MECOM: variants seen among roughly 807,000 people sequenced by gnomAD.
MECOM encodes the protein MDS1 and EVI1 complex locus.
In MECOM, 13 loss-of-function variants were observed where a neutral mutation model predicts 116.3. That is an observed-to-expected ratio of 0.11 (90% CI 0.07 to 0.18). MECOM has a LOEUF of 0.18. Ranked by LOEUF, MECOM falls within the 10% of genes least tolerant of loss-of-function variation. The pLI is 1.00. For missense variants in MECOM, 1,299 were observed against 1,509.0 expected (o/e 0.86, Z 2.31); for synonymous variants, 528 against 535.2 (o/e 0.99, Z 0.19).
chr3:169,641,501 T>C (rs1335580513), intron 1 of MECOM, among the ~76,000 whole-genome samples: 1 of 152,206 alleles, frequency 6.6e-6, no homozygotes, highest in African/African-American at 2.4e-5. Flanking sequence ...TGGCCAGTTT[T>C]TTATTTTCCT....
intron 1 of MECOM, among the ~76,000 whole-genome samples, chr3:169,535,886 C>T (rs1456301342): frequency 6.6e-6 from 1 of 152,150 alleles, no homozygotes; most frequent in Non-Finnish European, 1.5e-5. Context: ...ATAACAGTGT[C>T]TAATAGGGTT....
intron 2 of MECOM, among the ~76,000 whole-genome samples, chr3:169,198,889 G>T (rs1748790223): frequency 6.6e-6 from 1 of 151,840 alleles, no homozygotes; most frequent in African/African-American, 2.4e-5. Flanking sequence ...GGGAAGAGCA[G>T]TCAGGAAAAT....
At chr3:169,310,431 A>G (rs897048713) in intron 2 of MECOM, among the ~76,000 whole-genome samples, 3 of 152,234 alleles carry the variant, frequency 2.0e-5, no homozygotes, top group Non-Finnish European at 4.4e-5. Context: ...ATAGTTTTAT[A>G]GCAAATTGTG....
chr3:169,263,521 C>T (rs1247924959), intron 2 of MECOM, among the ~76,000 whole-genome samples: 1 of 76,510 alleles, frequency 1.3e-5, no homozygotes, highest in Non-Finnish European at 2.3e-5. Context: ...AGAGCACTTG[C>T]ACACACACAC....
chr3:169,499,380 G>C (rs1367016629), intron 1 of MECOM, among the ~76,000 whole-genome samples: 1 of 126,448 alleles, frequency 7.9e-6, no homozygotes, highest in Non-Finnish European at 1.6e-5. Flanking sequence ...AAAGAGTATA[G>C]TCAGAATAAG....
At chr3:169,355,897 A>G (rs1727195732) in intron 2 of MECOM, among the ~76,000 whole-genome samples, 1 of 151,758 alleles carries the variant, frequency 6.6e-6, no homozygotes, top group Non-Finnish European at 1.5e-5. Flanking sequence ...AACAGAATTG[A>G]TTTTCATGAA....
At chr3:169,365,449 A>C (rs1487471925) in intron 2 of MECOM, among the ~76,000 whole-genome samples, 5 of 152,034 alleles carry the variant, frequency 3.3e-5, no homozygotes, top group Non-Finnish European at 5.9e-5. Flanking sequence ...TCTACTGACT[A>C]TCCGATACTC....
intron 2 of MECOM, among the ~76,000 whole-genome samples, chr3:169,374,741 A>G (rs1358016736): frequency 6.6e-6 from 1 of 151,980 alleles, no homozygotes; most frequent in African/African-American, 2.4e-5. Context: ...TGTAATTAGA[A>G]AGAACATAAG....
intron 1 of MECOM, among the ~76,000 whole-genome samples, chr3:169,400,480 G>A (rs1242791150): frequency 6.6e-6 from 1 of 152,174 alleles, no homozygotes; most frequent in East Asian, 1.9e-4. Context: ...GTTTGATTGA[G>A]CCGTCATTCC....
At chr3:169,450,797 T>C (rs1389933915) in intron 1 of MECOM, among the ~76,000 whole-genome samples, 1 of 152,096 alleles carries the variant, frequency 6.6e-6, no homozygotes, top group Non-Finnish European at 1.5e-5. Flanking sequence ...GCAGAAATTT[T>C]CACAAAAGCT....
chr3:169,287,495 T>TA lies in MECOM; in HGVS notation c.375+93691dup, dbSNP rs202002657. Among the ~76,000 whole-genome samples, 539 of 152,234 alleles carry TA rather than the reference T, an allele frequency of 3.5e-3. 1 individual carries two copies. The highest frequency in any genetic ancestry group is 6.1e-3 in the Non-Finnish European group (413 of 68,004). ...TTCAACTAAAATGGCTTGATGTTAT[T>TA]AAAAAAATAAAAAACAAAGCATAAT... On this transcript the variant is annotated intron_variant, in intron 2 of 16. Coordinates refer to ENST00000651503, the MANE Select transcript of MECOM (RefSeq NM_004991.4).
intron 1 of MECOM, among the ~76,000 whole-genome samples, chr3:169,476,489 C>T (rs573858803): frequency 1.1e-4 from 16 of 152,250 alleles, no homozygotes; most frequent in African/African-American, 3.6e-4. Context: ...TTGACAGGTG[C>T]GGAGAGAGCT....
chr3:169,626,229 T>C (rs1326968532), intron 1 of MECOM, among the ~76,000 whole-genome samples: 1 of 152,228 alleles, frequency 6.6e-6, no homozygotes, highest in Admixed American at 6.5e-5. Context: ...CTCACCCTCC[T>C]AAACCTGAAG....
chr3:169,507,754 C>T (rs1391640490), intron 1 of MECOM, among the ~76,000 whole-genome samples: 2 of 147,760 alleles, frequency 1.4e-5, no homozygotes, highest in Non-Finnish European at 3.0e-5. Flanking sequence ...CTCCGCCTCC[C>T]GGGTTCACGC....
At chr3:169,543,881 A>C (rs1036428874) in intron 1 of MECOM, among the ~76,000 whole-genome samples, 18 of 151,936 alleles carry the variant, frequency 1.2e-4, no homozygotes, top group African/African-American at 4.4e-4. Context: ...CTGTTTATTG[A>C]TTTTTATTTA....
chr3:169,631,769 A>G (rs992460224), intron 1 of MECOM, among the ~76,000 whole-genome samples: 2 of 151,810 alleles, frequency 1.3e-5, no homozygotes, highest in Admixed American at 6.6e-5. Flanking sequence ...ATTTGCACTT[A>G]TTAGAAGGAC....
At chr3:169,541,187 C>A (rs1041668558) in intron 1 of MECOM, among the ~76,000 whole-genome samples, 2 of 152,168 alleles carry the variant, frequency 1.3e-5, no homozygotes, top group South Asian at 2.1e-4. Flanking sequence ...CTAACAAACT[C>A]CCTGGGGATA....
At chr3:169,535,953 A>G (rs1759299557) in intron 1 of MECOM, among the ~76,000 whole-genome samples, 1 of 152,202 alleles carries the variant, frequency 6.6e-6, no homozygotes, top group African/African-American at 2.4e-5. Context: ...CTTCCAGTAC[A>G]TGGAAGGCCC....
intron 12 of MECOM, among the ~76,000 whole-genome samples, chr3:169,096,545 C>G (rs1236543420): frequency 6.6e-6 from 1 of 152,146 alleles, no homozygotes; most frequent in Non-Finnish European, 1.5e-5. Flanking sequence ...GCCGGGATTA[C>G]AGTTGTGAGC....
Sources: allele counts gnomAD v4.1 joint callset (sites outside exome capture counted in the v4.1 genomes callset), GRCh38; gene constraint gnomAD v4.1.1; transcripts MANE v1.5; gene names NCBI Gene and HGNC (gene_info 2026-07-23, HGNC 2026-07-21).